The following CSMD1 variants were observed in gnomAD, a reference collection of about 807,000 sequenced individuals.
CSMD1 encodes the protein CUB and sushi domain-containing protein 1.
In CSMD1, 213 loss-of-function variants were observed where a neutral mutation model predicts 417.5. The ratio of observed to expected loss-of-function variants is 0.51; its 90% CI spans 0.46 to 0.57. The LOEUF (loss-of-function observed/expected upper bound fraction) is 0.57. Ranked by LOEUF, CSMD1 falls within the 20% of genes least tolerant of loss-of-function variation. The probability of loss-of-function intolerance (pLI) is 0.00; values close to 1 mark genes in which losing one functional copy is unlikely to be tolerated. For synonymous variants in CSMD1, 2,862 were observed against 1,736.8 expected (o/e 1.65, Z -16.11); for missense variants, 6,923 against 4,529.7 (o/e 1.53, Z -15.17).
intron 1 of CSMD1, among the ~76,000 whole-genome samples, chr8:4,849,960 T>A (rs1216507718): frequency 6.6e-6 from 1 of 152,206 alleles, no homozygotes; most frequent in Non-Finnish European, 1.5e-5. Flanking sequence ...GACTCTTTGC[T>A]AATGTGGCTG....
chr8:4,242,801 G>C (rs1026283729), intron 3 of CSMD1, among the ~76,000 whole-genome samples: 1 of 152,122 alleles, frequency 6.6e-6, no homozygotes, highest in South Asian at 2.1e-4. Context: ...TAAAGTTGGA[G>C]GAAACCTTCA....
At chr8:3,193,396 G>C (rs1006512201) in intron 33 of CSMD1, among the ~76,000 whole-genome samples, 1 of 152,134 alleles carries the variant, frequency 6.6e-6, no homozygotes, top group African/African-American at 2.4e-5. Context: ...AAGGACTTGA[G>C]ACAGTAGGAT....
intron 5 of CSMD1, among the ~76,000 whole-genome samples, chr8:3,953,013 T>C (rs372554611): frequency 1.3e-5 from 2 of 151,826 alleles, no homozygotes; most frequent in East Asian, 1.9e-4. Flanking sequence ...TTTAAAAAAA[T>C]ACATGAGAAG....
intron 9 of CSMD1, among the ~76,000 whole-genome samples, chr8:3,581,184 TA>T (rs1358167960): frequency 6.6e-6 from 1 of 152,150 alleles, no homozygotes; most frequent in Non-Finnish European, 1.5e-5. Flanking sequence ...ACATTTTACT[TA>T]AAAAAATAGA....
At chr8:3,366,615 T>C (rs1809583108) in intron 20 of CSMD1, among the ~76,000 whole-genome samples, 1 of 152,186 alleles carries the variant, frequency 6.6e-6, no homozygotes, top group African/African-American at 2.4e-5. Context: ...TAGAGGTGGT[T>C]GTCAATGCAA....
At chr8:4,387,098 G>A (rs1216460085) in intron 3 of CSMD1, among the ~76,000 whole-genome samples, 1 of 152,138 alleles carries the variant, frequency 6.6e-6, no homozygotes, top group Admixed American at 6.6e-5. Flanking sequence ...AATTAATAGA[G>A]TTAGGATAAA....
intron 3 of CSMD1, among the ~76,000 whole-genome samples, chr8:4,070,576 C>T (rs1230880813): frequency 6.6e-6 from 1 of 152,134 alleles, no homozygotes; most frequent in African/African-American, 2.4e-5. Flanking sequence ...CCAGGATGGT[C>T]TCGTTCTCCT....
At chr8:4,889,067 A>T (rs1803937654) in intron 1 of CSMD1, among the ~76,000 whole-genome samples, 1 of 152,150 alleles carries the variant, frequency 6.6e-6, no homozygotes, top group Non-Finnish European at 1.5e-5. Context: ...ATATGTGGTA[A>T]GCCCAGTGAA....
At chr8:3,270,046 C>CTAACCTCTTCTTTT (rs1801723069) in intron 26 of CSMD1, among the ~76,000 whole-genome samples, 3 of 118,386 alleles carry the variant, frequency 2.5e-5, no homozygotes, top group Non-Finnish European at 5.2e-5. Context: ...CTAACCTCTT[C>CTAACCTCTTCTTTT]TTTTTTTTTT....
At chr8:3,415,146 A>G (rs1813049708) in intron 12 of CSMD1, among the ~76,000 whole-genome samples, 1 of 152,226 alleles carries the variant, frequency 6.6e-6, no homozygotes, top group African/African-American at 2.4e-5. Flanking sequence ...GACAAATTTA[A>G]ATTGTATATA....
intron 3 of CSMD1, among the ~76,000 whole-genome samples, chr8:4,300,582 G>C (rs778196861): frequency 6.6e-6 from 1 of 151,968 alleles, no homozygotes; most frequent in African/African-American, 2.4e-5. Flanking sequence ...TGTGCACAAC[G>C]TGCGGGTTTG....
intron 2 of CSMD1, among the ~76,000 whole-genome samples, chr8:4,630,650 T>C (rs1460203092): frequency 6.6e-6 from 1 of 152,178 alleles, no homozygotes; most frequent in Non-Finnish European, 1.5e-5. Context: ...AGTGACAAAA[T>C]CACCTAATTA....
chr8:4,324,996 C>T (rs1331031081), intron 3 of CSMD1, among the ~76,000 whole-genome samples: 3 of 152,190 alleles, frequency 2.0e-5, no homozygotes, highest in Middle Eastern at 3.4e-3. Flanking sequence ...TCATTGCATT[C>T]CTGGTGTGGT....
chr8:4,750,266 C>A (rs1811229073), intron 1 of CSMD1, among the ~76,000 whole-genome samples: 3 of 152,094 alleles, frequency 2.0e-5, no homozygotes, highest in Non-Finnish European at 2.9e-5. Flanking sequence ...CTCGGCCTCC[C>A]ACAGTGCTGG....
rs78440937 is a variant in CSMD1, at chr8:3,921,761, G to A, written c.818+76142C>T. On this transcript the variant is annotated intron_variant, in intron 5 of 69. Coordinates refer to ENST00000635120, the MANE Select transcript of CSMD1 (RefSeq NM_033225.6). ...GTCAGGAAAGTTACCAAATATGAGT[G>A]CAATCTTCTTTGATTTGTTAAGAGT... Among the ~76,000 whole-genome samples the A allele has an allele frequency of 2.9e-4, 44 of 152,240 alleles. No individual in the cohort carries two copies. The East Asian group carries it at 7.5e-3, about 26-fold the overall frequency.
intron 1 of CSMD1, among the ~76,000 whole-genome samples, chr8:4,815,571 C>T (rs934788453): frequency 6.6e-6 from 1 of 151,582 alleles, no homozygotes; most frequent in African/African-American, 2.4e-5. Context: ...TGACACATGC[C>T]TGTAATCCCA....
At chr8:3,485,850 T>C (rs1818003574) in intron 11 of CSMD1, among the ~76,000 whole-genome samples, 1 of 150,884 alleles carries the variant, frequency 6.6e-6, no homozygotes, top group Non-Finnish European at 1.5e-5. Flanking sequence ...GAAATCTGAA[T>C]AAGATCAGTG....
At chr8:4,828,518 T>G (rs968696950) in intron 1 of CSMD1, among the ~76,000 whole-genome samples, 10 of 152,118 alleles carry the variant, frequency 6.6e-5, no homozygotes, top group Non-Finnish European at 1.3e-4. Flanking sequence ...CACCTATTGG[T>G]CCTTTATTGC....
At chr8:3,546,251 G>A (rs78632452) in intron 10 of CSMD1, among the ~76,000 whole-genome samples, 7,427 of 147,078 alleles carry the variant, frequency 0.05, 529 homozygotes, top group African/African-American at 0.16. Context: ...GGCTGGCCAC[G>A]TGAATTTTTC....
Sources: allele counts gnomAD v4.1 joint callset (sites outside exome capture counted in the v4.1 genomes callset), GRCh38; gene constraint gnomAD v4.1.1; transcripts MANE v1.5; gene names NCBI Gene and HGNC (gene_info 2026-07-23, HGNC 2026-07-21).